The following LRRC28 variants were observed in gnomAD, a reference collection of about 807,000 sequenced individuals.
LRRC28 encodes the protein leucine rich repeat containing 28.
A neutral mutation model predicts 45.7 loss-of-function variants in LRRC28; 39 were observed. The ratio of observed to expected loss-of-function variants is 0.85; its 90% CI spans 0.66 to 1.12. The LOEUF is 1.12. Among genes scored for constraint, LRRC28 ranks in the 50% most tolerant of loss-of-function variants. The pLI, the probability that LRRC28 is intolerant of heterozygous loss-of-function variation, is 0.00. For synonymous variants in LRRC28, 206 were observed against 178.8 expected (o/e 1.15, Z -1.22); for missense variants, 435 against 438.5 (o/e 0.99, Z 0.07).
chr15:99,382,413 G>A (rs1171054055), intron 9 of LRRC28, among the ~76,000 whole-genome samples: 2 of 152,156 alleles, frequency 1.3e-5, no homozygotes, highest in African/African-American at 4.8e-5. Context: ...TCTCACACTG[G>A]GAGCTGTAGA....
At chr15:99,256,590 C>T (rs566548035) in intron 2 of LRRC28, among the ~76,000 whole-genome samples, 5 of 152,290 alleles carry the variant, frequency 3.3e-5, no homozygotes, top group Admixed American at 1.3e-4. Context: ...ACTTGGGAAG[C>T]TTAATGTAAC....
intron 7 of LRRC28, among the ~76,000 whole-genome samples, chr15:99,359,832 T>C (rs1957149591): frequency 1.3e-5 from 2 of 152,202 alleles, no homozygotes; most frequent in Non-Finnish European, 2.9e-5. Flanking sequence ...GTGAACAAAA[T>C]CGCATTTCAG....
At chr15:99,374,716 C>T (rs2152336057) in intron 9 of LRRC28, among the ~76,000 whole-genome samples, 1 of 151,966 alleles carries the variant, frequency 6.6e-6, no homozygotes, top group South Asian at 2.1e-4. Flanking sequence ...ACTCTGTCGC[C>T]CAGGCTGGAG....
chr15:99,259,392 A>G, intron 2 of LRRC28: 1 of 1,556,934 alleles, frequency 6.4e-7, no homozygotes, highest in Non-Finnish European at 8.9e-7. Flanking sequence ...AATGTTGCCA[A>G]GGAAGGAGTG....
At chr15:99,326,501 G>A (rs183204508) in intron 5 of LRRC28, 286 of 152,396 alleles carry the variant, frequency 1.9e-3, no homozygotes, top group Non-Finnish European at 3.0e-3. Flanking sequence ...ATTCAACTTT[G>A]TGGAAAGAAC....
At chr15:99,259,518 T>C (rs2081128672) in intron 2 of LRRC28, 1 of 1,177,834 alleles carries the variant, frequency 8.5e-7, no homozygotes, top group African/African-American at 1.5e-5. Flanking sequence ...GAAAAGGCTA[T>C]GGTATCTCAG....
At chr15:99,275,761 T>A (rs1232609093) in intron 2 of LRRC28, among the ~76,000 whole-genome samples, 1 of 152,146 alleles carries the variant, frequency 6.6e-6, no homozygotes, top group African/African-American at 2.4e-5. Flanking sequence ...TCACTCCAGT[T>A]TCTGGTTCTT....
chr15:99,374,916 C>T (rs1957584181), intron 9 of LRRC28, among the ~76,000 whole-genome samples: 3 of 152,082 alleles, frequency 2.0e-5, no homozygotes, highest in Non-Finnish European at 4.4e-5. Context: ...ATCTGCTCAC[C>T]TCAGCCTCCC....
At chr15:99,372,095 T>C (rs1374598997) in intron 9 of LRRC28, among the ~76,000 whole-genome samples, 6 of 152,338 alleles carry the variant, frequency 3.9e-5, no homozygotes, top group African/African-American at 1.2e-4. Flanking sequence ...CTTTGTCTTA[T>C]AAATACTATT....
chr15:99,261,080 C>T (rs907068396), intron 2 of LRRC28, among the ~76,000 whole-genome samples: 1 of 152,164 alleles, frequency 6.6e-6, no homozygotes, highest in African/African-American at 2.4e-5. Context: ...TCCCTTTTGC[C>T]CCTCAGTCGC....
intron 5 of LRRC28, among the ~76,000 whole-genome samples, chr15:99,319,784 A>G (rs1307024097): frequency 6.6e-6 from 1 of 151,860 alleles, no homozygotes; most frequent in Non-Finnish European, 1.5e-5. Flanking sequence ...CAGATGTCAT[A>G]TGTTTGGGAA....
At chr15:99,298,102 T>C (rs1194703063) in intron 5 of LRRC28, among the ~76,000 whole-genome samples, 2 of 151,958 alleles carry the variant, frequency 1.3e-5, no homozygotes, top group African/African-American at 4.8e-5. Context: ...TTGGAAAGCC[T>C]CTGCCATCAA....
At chr15:99,345,428 T>C (rs374481346) in intron 6 of LRRC28, among the ~76,000 whole-genome samples, 2 of 152,226 alleles carry the variant, frequency 1.3e-5, no homozygotes, top group East Asian at 1.9e-4. Flanking sequence ...ATAGGACTTG[T>C]TGAGCACCTT....
chr15:99,369,061 T>C lies in LRRC28; in HGVS notation c.1031+5796T>C, dbSNP rs569997643. On this transcript the variant is annotated intron_variant, in intron 9 of 9. Transcript: ENST00000301981. ...TGCTACTTTATAACAAGGATCACCTTTCTTCCAGTTTCCAATAATACATTC... is the reference window on the plus strand; with the variant it reads ...TGCTACTTTATAACAAGGATCACCTCTCTTCCAGTTTCCAATAATACATTC... Among the ~76,000 whole-genome samples, 66 of 152,296 alleles carry C rather than the reference T, an allele frequency of 4.3e-4. 1 individual carries two copies. In the South Asian group the frequency reaches 0.011, roughly 25 times the overall value.
chr15:99,291,093 T>C (rs1475732222), intron 5 of LRRC28, among the ~76,000 whole-genome samples: 1 of 152,204 alleles, frequency 6.6e-6, no homozygotes, highest in Non-Finnish European at 1.5e-5. Flanking sequence ...TATATATTCT[T>C]AGAGGTTAAG....
intron 5 of LRRC28, among the ~76,000 whole-genome samples, chr15:99,322,692 C>T (rs183965330): frequency 3.8e-4 from 58 of 152,282 alleles, no homozygotes; most frequent in African/African-American, 7.5e-4. Flanking sequence ...GGTCCAGATA[C>T]CATTTTACAG....
intron 3 of LRRC28, among the ~76,000 whole-genome samples, chr15:99,283,687 C>T (rs2081877333): frequency 6.6e-6 from 1 of 150,876 alleles, no homozygotes; most frequent in Admixed American, 6.6e-5. Flanking sequence ...TGGAATATTC[C>T]TATTAAGTAA....
intron 6 of LRRC28, among the ~76,000 whole-genome samples, chr15:99,334,551 C>T (rs962476860): frequency 6.6e-6 from 1 of 152,028 alleles, no homozygotes; most frequent in Non-Finnish European, 1.5e-5. Context: ...ATTAATATTG[C>T]CAGATAACCA....
chr15:99,324,574 A>G (rs781000948), intron 5 of LRRC28, among the ~76,000 whole-genome samples: 2 of 152,172 alleles, frequency 1.3e-5, no homozygotes, highest in Admixed American at 1.3e-4. Context: ...TCAGCACAGA[A>G]CTATGATTTA....
Sources: gnomAD v4.1 joint callset for allele counts (sites outside exome capture counted in the v4.1 genomes callset) on GRCh38, gnomAD v4.1.1 for gene constraint, MANE v1.5 for transcripts, NCBI Gene and HGNC (gene_info 2026-07-23, HGNC 2026-07-21) for gene names.